The following TOX variants were observed in gnomAD, a reference collection of about 807,000 sequenced individuals.
TOX encodes thymocyte selection-associated high mobility group box protein TOX.
In TOX, 11 loss-of-function variants were observed where a neutral mutation model predicts 53.7. The ratio of observed to expected loss-of-function variants is 0.20; its 90% CI spans 0.13 to 0.34. The LOEUF is 0.34. Among genes scored for constraint, TOX ranks in the 10% least tolerant of loss-of-function variants. The probability of loss-of-function intolerance (pLI) is 1.00; values close to 1 mark genes in which losing one functional copy is unlikely to be tolerated. For synonymous variants in TOX, 225 were observed against 245.3 expected, an observed-to-expected ratio of 0.92 and a Z score of 0.77; for missense variants, 570 against 664.6, an observed-to-expected ratio of 0.86 and a Z score of 1.56.
At chr8:58,994,438 GTAT>G (rs1813521118) in intron 1 of TOX, among the ~76,000 whole-genome samples, 1 of 151,232 alleles carries the variant, frequency 6.6e-6, no homozygotes, top group Non-Finnish European at 1.5e-5. Context: ...GCATGTGTGT[GTAT>G]TTTTTTTTTT....
intron 3 of TOX, among the ~76,000 whole-genome samples, chr8:58,881,020 G>T (rs1811375007): frequency 1.3e-5 from 2 of 151,984 alleles, no homozygotes; most frequent in Admixed American, 1.3e-4. Context: ...TGGTATCTGG[G>T]GTTGGGGAAG....
chr8:58,967,278 C>A (rs1420055436), intron 1 of TOX, among the ~76,000 whole-genome samples: 1 of 152,058 alleles, frequency 6.6e-6, no homozygotes, highest in Non-Finnish European at 1.5e-5. Context: ...CCTTTGGAGG[C>A]CCTCTCTAAT....
At position 58,815,459 on chromosome 8, in the gene TOX, C is replaced by T; in HGVS notation, c.1271G>A (p.Ser424Asn). The T allele has an allele frequency of 6.2e-7, 1 of 1,613,916 alleles. No homozygotes were observed. Among genetic ancestry groups the T allele is most frequent in the Non-Finnish European group, 8.5e-7 (1 of 1,179,942 alleles). Residue 424 changes from serine to asparagine, a missense_variant, in exon 7 of 9, where the codon AGC (serine) becomes AAC (asparagine). By Grantham distance (46) the Ser-to-Asn change is conservative. This residue lies in a region of TOX where 239 missense variants were observed against 250.7 expected (regional missense o/e 0.95). Transcript: ENST00000361421. Reference protein sequence around the residue: ...AVSPPPPLQISPPLHQHLNMQ... With the variant: ...AVSPPPPLQINPPLHQHLNMQ... ...GTTGAGATGCTGGTGAAGAGGCGGGCTGATCTGGAGGGGAGGAGGAGGGGA... is the reference window on the plus strand; with the variant it reads ...GTTGAGATGCTGGTGAAGAGGCGGGTTGATCTGGAGGGGAGGAGGAGGGGA...
chr8:59,081,784 T>C (rs1193619909), intron 1 of TOX, among the ~76,000 whole-genome samples: 1 of 152,116 alleles, frequency 6.6e-6, no homozygotes, highest in African/African-American at 2.4e-5. Flanking sequence ...GGCAAAGGAA[T>C]AACAGGTAAC....
intron 1 of TOX, among the ~76,000 whole-genome samples, chr8:58,996,009 C>T (rs1397243975): frequency 6.6e-6 from 1 of 152,126 alleles, no homozygotes; most frequent in Non-Finnish European, 1.5e-5. Context: ...GCCTGCTCTC[C>T]CCTTACTCAA....
chr8:58,943,344 G>T (rs1812473132), intron 2 of TOX, among the ~76,000 whole-genome samples: 2 of 152,252 alleles, frequency 1.3e-5, no homozygotes, highest in Admixed American at 1.3e-4. Flanking sequence ...CCACAAGAAG[G>T]TATATGAGTG....
At chr8:59,003,021 A>T (rs867795353) in intron 1 of TOX, among the ~76,000 whole-genome samples, 1 of 152,132 alleles carries the variant, frequency 6.6e-6, no homozygotes. Flanking sequence ...TTATATTTTT[A>T]ACTTGAGGCC....
chr8:58,976,709 T>C (rs1813107078), intron 1 of TOX, among the ~76,000 whole-genome samples: 1 of 152,242 alleles, frequency 6.6e-6, no homozygotes, highest in African/African-American at 2.4e-5. Flanking sequence ...GTCAAAATTT[T>C]ACTCCTCGAT....
intron 2 of TOX, among the ~76,000 whole-genome samples, chr8:58,942,776 A>G (rs1009599584): frequency 6.6e-6 from 1 of 152,202 alleles, no homozygotes; most frequent in African/African-American, 2.4e-5. Flanking sequence ...ATAGAATATG[A>G]TTCAATATTT....
intron 5 of TOX, among the ~76,000 whole-genome samples, chr8:58,832,007 T>A (rs1032012096): frequency 1.6e-4 from 25 of 151,956 alleles, no homozygotes; most frequent in African/African-American, 6.0e-4. Context: ...AACGTCTGCT[T>A]CCATGGTCTC....
chr8:58,818,391 T>A (rs1368119420), intron 6 of TOX, among the ~76,000 whole-genome samples: 1 of 152,216 alleles, frequency 6.6e-6, no homozygotes, highest in Middle Eastern at 3.2e-3. Context: ...CTTTATTTTC[T>A]AATCATTGAC....
chr8:58,929,455 C>T (rs868727401), intron 3 of TOX, among the ~76,000 whole-genome samples: 3 of 151,518 alleles, frequency 2.0e-5, no homozygotes, highest in East Asian at 1.9e-4. Context: ...TGCTTGTCCA[C>T]GTAAGAGATC....
intron 6 of TOX, among the ~76,000 whole-genome samples, chr8:58,819,808 A>G (rs988301031): frequency 6.6e-6 from 1 of 152,244 alleles, no homozygotes; most frequent in Non-Finnish European, 1.5e-5. Context: ...GGAAGGAACA[A>G]TATAAGAGTT....
chr8:59,013,429 G>C (rs1296229082), intron 1 of TOX, among the ~76,000 whole-genome samples: 1 of 109,606 alleles, frequency 9.1e-6, no homozygotes, highest in African/African-American at 3.5e-5. Flanking sequence ...TTTTTTTCTT[G>C]AGACGAAGTC....
chr8:58,964,864 G>GGT (rs34469462), intron 1 of TOX, among the ~76,000 whole-genome samples: 105,407 of 148,120 alleles, frequency 0.71, 37,764 homozygotes, highest in South Asian at 0.8. Context: ...ATTTGTAGCT[G>GGT]GTGTGTGTGT....
intron 1 of TOX, among the ~76,000 whole-genome samples, chr8:59,091,990 C>T (rs946743645): frequency 2.0e-5 from 3 of 151,798 alleles, no homozygotes; most frequent in Non-Finnish European, 2.9e-5. Flanking sequence ...TGGCTCACGC[C>T]TGTAATCCCA....
At chr8:58,952,952 T>TA (rs1812648338) in intron 2 of TOX, among the ~76,000 whole-genome samples, 1 of 152,300 alleles carries the variant, frequency 6.6e-6, no homozygotes, top group Non-Finnish European at 1.5e-5. Context: ...GTTTATGTTT[T>TA]AAAATGTTCC....
intron 3 of TOX, among the ~76,000 whole-genome samples, chr8:58,926,210 T>C (rs10110288): frequency 0.013 from 1,975 of 152,286 alleles, 56 homozygotes; most frequent in African/African-American, 0.046. Flanking sequence ...TCCACAACCC[T>C]ATCCCCAGAG....
chr8:58,915,134 C>T (rs1811988205), intron 3 of TOX, among the ~76,000 whole-genome samples: 1 of 151,412 alleles, frequency 6.6e-6, no homozygotes, highest in Admixed American at 6.6e-5. Flanking sequence ...GAGGGGCGCC[C>T]ACCATTGCCC....
Sources: allele counts gnomAD v4.1 joint callset (sites outside exome capture counted in the v4.1 genomes callset), GRCh38; gene constraint gnomAD v4.1.1; regional missense constraint gnomAD v4.1.1; transcripts MANE v1.5; gene names NCBI Gene and HGNC (gene_info 2026-07-23, HGNC 2026-07-21).